Variants in CDIN1 observed in about 807,000 individuals in gnomAD.
The protein encoded by CDIN1 is CDAN1 interacting nuclease 1, also known as CDAN1-interacting nuclease 1.
In CDIN1, 33 loss-of-function variants were observed where a neutral mutation model predicts 45.3. The ratio of observed to expected loss-of-function variants is 0.73; its 90% confidence interval spans 0.55 to 0.97. The LOEUF (loss-of-function observed/expected upper bound fraction) is 0.97, where lower values mean the gene tolerates loss of function less well. Ranked by LOEUF, CDIN1 falls within the 50% of genes least tolerant of loss-of-function variation. The pLI, the probability that CDIN1 is intolerant of heterozygous loss-of-function variation, is 0.00. For synonymous variants in CDIN1, 118 were observed against 124.4 expected (o/e 0.95, Z 0.34); for missense variants, 303 against 339.4 (o/e 0.89, Z 0.84).
At position 36,751,539 on chromosome 15, in the gene CDIN1, T is replaced by TA. The variant is rs535557516; in HGVS notation, c.716+41588dup. Among the ~76,000 whole-genome samples, 622 of 147,522 alleles carry TA rather than the reference T, an allele frequency of 4.2e-3. 3 individuals carry two copies. Among genetic ancestry groups the TA allele is most frequent in the Non-Finnish European group, 6.8e-3 (452 of 66,620 alleles). On this transcript the variant is annotated intron_variant, in intron 10 of 10. Transcript: ENST00000566621. ...TGAGACCCCATCCCTACTAAAAATA[T>TA]AAAAAAAAAATTGCTATTTGCAACC... is the stretch of plus-strand genomic sequence containing the variant.
intron 1 of CDIN1, among the ~76,000 whole-genome samples, chr15:36,633,561 A>C (rs900455911): frequency 2.0e-5 from 3 of 152,214 alleles, no homozygotes; most frequent in African/African-American, 4.8e-5. Flanking sequence ...CCTGGTTAGC[A>C]TAAGTTCCCC....
chr15:36,658,033 C>T (rs2040850111), intron 5 of CDIN1, 128 bp downstream of exon 5: 1 of 674,642 alleles, frequency 1.5e-6, no homozygotes, highest in Non-Finnish European at 2.5e-6. Flanking sequence ...CAGTTAATGA[C>T]AATTAAATGC....
chr15:36,669,728 A>G (rs1311054291), intron 5 of CDIN1, among the ~76,000 whole-genome samples: 1 of 152,034 alleles, frequency 6.6e-6, no homozygotes, highest in Non-Finnish European at 1.5e-5. Flanking sequence ...GATGGTCATG[A>G]TGTTTTTGCA....
At chr15:36,767,173 G>A (rs1430828334) in intron 10 of CDIN1, among the ~76,000 whole-genome samples, 2 of 26,188 alleles carry the variant, frequency 7.6e-5, no homozygotes, top group Non-Finnish European at 4.5e-3. Flanking sequence ...TTTCCCAGCA[G>A]TTAAAAAAAA....
intron 10 of CDIN1, among the ~76,000 whole-genome samples, chr15:36,755,316 C>A (rs2053582032): frequency 6.6e-6 from 1 of 152,148 alleles, no homozygotes; most frequent in Non-Finnish European, 1.5e-5. Context: ...CCAAACCCTG[C>A]AATTTAATAG....
intron 10 of CDIN1, among the ~76,000 whole-genome samples, chr15:36,797,130 AG>A (rs2054826046): frequency 6.6e-6 from 1 of 152,224 alleles, no homozygotes; most frequent in African/African-American, 2.4e-5. Context: ...GGAATGACAT[AG>A]GCATTGTAGA....
intron 3 of CDIN1, among the ~76,000 whole-genome samples, chr15:36,653,149 G>A (rs1038847939): frequency 3.1e-4 from 47 of 152,024 alleles, no homozygotes; most frequent in Admixed American, 7.9e-4. Flanking sequence ...CAAGTAATAG[G>A]CAAATACAAT....
At chr15:36,705,557 T>C (rs2140808742) in intron 8 of CDIN1, 1 of 152,268 alleles carries the variant, frequency 6.6e-6, no homozygotes, top group South Asian at 2.1e-4. Context: ...GCCAGTTATA[T>C]TGTGTATAAA....
intron 10 of CDIN1, among the ~76,000 whole-genome samples, chr15:36,769,750 G>T (rs1360825529): frequency 6.6e-6 from 1 of 152,084 alleles, no homozygotes; most frequent in Non-Finnish European, 1.5e-5. Context: ...TTTCATGGTT[G>T]GGCCAAGCAG....
At chr15:36,604,822 A>G (rs532197768) in intron 1 of CDIN1, among the ~76,000 whole-genome samples, 42 of 152,306 alleles carry the variant, frequency 2.8e-4, no homozygotes, top group African/African-American at 9.1e-4. Context: ...TACCAAGCAC[A>G]ATATCTTAGT....
At chr15:36,662,204 A>G (rs905002362) in intron 5 of CDIN1, among the ~76,000 whole-genome samples, 2 of 152,184 alleles carry the variant, frequency 1.3e-5, no homozygotes, top group Admixed American at 1.3e-4. Flanking sequence ...TAATAGTCAC[A>G]TCATTTGAAA....
rs1055088968 is a variant in CDIN1, at chr15:36,701,996, A to T, written c.544+4606A>T. 4.3e-6 allele frequency: 3 copies of T among 700,978 alleles called. No homozygotes were observed. The African/African-American group carries it at 5.2e-5, about 12-fold the overall frequency. 43.4% of individuals were successfully genotyped at this position (700,978 alleles called of 1,614,324 possible). A position where few individuals can be genotyped will look rare whatever the true frequency, so the allele number is the denominator to read the frequency against. ...CTGGGGAGGTGATTATGATGTGACA[A>T]ACAGGGGATTATGACTTCAGGTGAA... On this transcript the variant is annotated intron_variant, in intron 8 of 10. Transcript: ENST00000566621.
chr15:36,683,919 G>C (rs2140644124), intron 5 of CDIN1, among the ~76,000 whole-genome samples: 1 of 136,730 alleles, frequency 7.3e-6, no homozygotes, highest in East Asian at 2.0e-4. Flanking sequence ...TTTGTACATT[G>C]ATTTTGTATC....
At chr15:36,692,224 C>CTCCACTGAGTCTA in intron 7 of CDIN1, 49 bp downstream of exon 7, 1 of 1,542,532 alleles carries the variant, frequency 6.5e-7, no homozygotes, top group Non-Finnish European at 8.9e-7. Context: ...AGCTTAGACT[C>CTCCACTGAGTCTA]AGTGGAGATG....
intron 10 of CDIN1, among the ~76,000 whole-genome samples, chr15:36,714,267 G>C (rs1239290131): frequency 6.6e-6 from 1 of 152,070 alleles, no homozygotes; most frequent in African/African-American, 2.4e-5. Flanking sequence ...AAATAACTGA[G>C]AACTAAATGA....
chr15:36,633,542 A>G (rs1347915305), intron 1 of CDIN1, among the ~76,000 whole-genome samples: 1 of 152,136 alleles, frequency 6.6e-6, no homozygotes, highest in Non-Finnish European at 1.5e-5. Flanking sequence ...ACATTTATCT[A>G]TGCTGATACC....
intron 3 of CDIN1, chr15:36,648,885 A>G (rs2040462541): frequency 2.0e-5 from 3 of 152,316 alleles, no homozygotes; most frequent in Admixed American, 6.5e-5. Context: ...ACTACTGTCT[A>G]GAAATGTTTT....
chr15:36,582,185 C>A (rs1359301465), intron 1 of CDIN1, among the ~76,000 whole-genome samples: 1 of 152,164 alleles, frequency 6.6e-6, no homozygotes, highest in African/African-American at 2.4e-5. Context: ...CTGCCAGATA[C>A]TTAAATCTGA....
intron 10 of CDIN1, among the ~76,000 whole-genome samples, chr15:36,721,855 C>A (rs907044366): frequency 6.6e-6 from 1 of 151,766 alleles, no homozygotes; most frequent in Non-Finnish European, 1.5e-5. Flanking sequence ...ACTCTAGTTG[C>A]CTTGGCTTTC....
Sources: allele counts gnomAD v4.1 joint callset (sites outside exome capture counted in the v4.1 genomes callset), GRCh38; gene constraint gnomAD v4.1.1; transcripts MANE v1.5; gene names NCBI Gene and HGNC (gene_info 2026-07-23, HGNC 2026-07-21).